Variants in GLCCI1 observed in about 807,000 individuals in gnomAD.
The protein encoded by GLCCI1 is glucocorticoid-induced transcript 1 protein.
Under a neutral mutation model 52.2 loss-of-function variants are expected in GLCCI1, and 24 were observed. The ratio of observed to expected loss-of-function variants is 0.46; its 90% confidence interval spans 0.33 to 0.65. GLCCI1 has a LOEUF of 0.65. Ranked by LOEUF, GLCCI1 falls within the 30% of genes least tolerant of loss-of-function variation. The probability of loss-of-function intolerance (pLI) is 0.02; values close to 1 mark genes in which losing one functional copy is unlikely to be tolerated. For missense variants in GLCCI1, 704 were observed against 701.5 expected, an observed-to-expected ratio of 1.00 and a Z score of -0.04; for synonymous variants, 310 against 276.5, an observed-to-expected ratio of 1.12 and a Z score of -1.20.
In GLCCI1 at chr7:8,085,028, T is replaced by C. The variant is rs771530242; in HGVS notation, c.1298+11T>C. On this transcript the variant is annotated intron_variant, in intron 7 of 7. Transcript: ENST00000223145. ...CTTTGAGGAAATGGCGTAAGTAATG[T>C]CTTTTTTGTCAGCTGGGATCTGCAA... 6.2e-7 allele frequency: 1 copy of C among 1,613,444 alleles called. No individual in the cohort carries two copies. The highest frequency in any genetic ancestry group is 2.2e-5 in the East Asian group (1 of 44,874).
chr7:8,074,907 T>A, intron 6 of GLCCI1, among the ~76,000 whole-genome samples: 1 of 152,118 alleles, frequency 6.6e-6, no homozygotes, highest in East Asian at 1.9e-4. Context: ...TGTTCTGTGG[T>A]AGAGTAACTA....
At chr7:8,079,693 AAGTTGG>A (rs1191386102) in intron 6 of GLCCI1, among the ~76,000 whole-genome samples, 1 of 151,516 alleles carries the variant, frequency 6.6e-6, no homozygotes, top group East Asian at 1.9e-4. Context: ...CTTAATTTGT[AAGTTGG>A]CATCAATTTA....
At chr7:8,052,224 AC>A (rs1782273257) in intron 3 of GLCCI1, among the ~76,000 whole-genome samples, 1 of 152,038 alleles carries the variant, frequency 6.6e-6, no homozygotes, top group South Asian at 2.1e-4. Flanking sequence ...GCCTGGATTT[AC>A]CCCTCAGTCT....
intron 3 of GLCCI1, chr7:8,024,851 CT>C (rs755736257): frequency 5.5e-4 from 84 of 152,338 alleles, no homozygotes; most frequent in Non-Finnish European, 1.1e-3. Flanking sequence ...GGTGCTACTC[CT>C]TTTCTCCTTT....
chr7:7,981,715 A>G (rs1461660402), intron 1 of GLCCI1: 2 of 267,434 alleles, frequency 7.5e-6, no homozygotes, highest in Non-Finnish European at 1.5e-5. Context: ...AGTCTGTTAC[A>G]AAGGTTAAAT....
At position 8,086,127 on chromosome 7, in the gene GLCCI1, A is replaced by C. The variant is rs1783100464; in HGVS notation, c.1299-66A>C. On this transcript the variant is annotated intron_variant, in intron 7 of 7. Transcript: ENST00000223145. The surrounding 1 kb of genome is among the most constrained non-coding windows in gnomAD (Gnocchi z 4.4). ...TAGCTGTTTTAGAGAACTCCAGTTA[A>C]TTCAGAAAATGCTTAACTTTTTCTG... is the stretch of plus-strand genomic sequence containing the variant. The C allele has an allele frequency of 6.5e-6, 9 of 1,380,504 alleles. No individual in the cohort carries two copies. The highest frequency in any genetic ancestry group is 8.9e-6 in the Non-Finnish European group (9 of 1,009,042). The allele number at this position is 1,380,504 out of a possible 1,614,324, so 85.5% of individuals were successfully genotyped here. A position where few individuals can be genotyped will look rare whatever the true frequency, so the allele number is the denominator to read the frequency against.
chr7:8,033,319 A>G (rs1478494670), intron 3 of GLCCI1, among the ~76,000 whole-genome samples: 1 of 152,136 alleles, frequency 6.6e-6, no homozygotes, highest in Non-Finnish European at 1.5e-5. Context: ...ATAAAACAGA[A>G]TGCTTTTCTC....
intron 3 of GLCCI1, among the ~76,000 whole-genome samples, chr7:8,054,117 A>C (rs1208571063): frequency 1.3e-5 from 2 of 152,132 alleles, no homozygotes; most frequent in East Asian, 1.9e-4. Context: ...CTTTCATATA[A>C]GCTCTTTGCA....
intron 1 of GLCCI1, among the ~76,000 whole-genome samples, chr7:7,987,530 T>A (rs895893731): frequency 9.2e-5 from 14 of 152,184 alleles, no homozygotes; most frequent in Non-Finnish European, 1.8e-4. Flanking sequence ...AATGTTTCTA[T>A]TTCACTCTAA....
chr7:7,988,473 A>G (rs1780780075), intron 1 of GLCCI1, among the ~76,000 whole-genome samples: 1 of 152,198 alleles, frequency 6.6e-6, no homozygotes, highest in Non-Finnish European at 1.5e-5. Flanking sequence ...CAAAGAGGTC[A>G]CATTGAGGAA....
At chr7:8,028,945 T>C (rs1290575664) in intron 3 of GLCCI1, among the ~76,000 whole-genome samples, 1 of 152,120 alleles carries the variant, frequency 6.6e-6, no homozygotes, top group Non-Finnish European at 1.5e-5. Context: ...AAGTAGAGAT[T>C]GAACCCATAC....
At chr7:8,013,239 A>G (rs1408073512) in intron 2 of GLCCI1, among the ~76,000 whole-genome samples, 5 of 152,068 alleles carry the variant, frequency 3.3e-5, no homozygotes, top group Admixed American at 2.6e-4. Flanking sequence ...TTCTTTTTAC[A>G]TATTTGTGTC....
At chr7:8,071,247 T>G in intron 6 of GLCCI1, 116 bp downstream of exon 6, 2 of 806,794 alleles carry the variant, frequency 2.5e-6, no homozygotes, top group Non-Finnish European at 3.9e-6. Flanking sequence ...TTGTCAAAGA[T>G]TGGTTAATCT....
chr7:8,076,488 C>T (rs947024401), intron 6 of GLCCI1, among the ~76,000 whole-genome samples: 1 of 152,154 alleles, frequency 6.6e-6, no homozygotes, highest in Non-Finnish European at 1.5e-5. Context: ...TCTTAAGATA[C>T]ATACATTCCA....
chr7:8,026,979 A>G (rs1781636319), intron 3 of GLCCI1, among the ~76,000 whole-genome samples: 1 of 152,242 alleles, frequency 6.6e-6, no homozygotes, highest in African/African-American at 2.4e-5. Flanking sequence ...TTGGGGCCCA[A>G]GTCTCTTTGA....
At chr7:8,042,207 C>T (rs957884436) in intron 3 of GLCCI1, among the ~76,000 whole-genome samples, 4 of 152,172 alleles carry the variant, frequency 2.6e-5, no homozygotes, top group African/African-American at 9.6e-5. Context: ...TTCTGCAGTC[C>T]GTGAATCAAG....
intron 6 of GLCCI1, among the ~76,000 whole-genome samples, chr7:8,083,455 A>C (rs1200753457): frequency 6.6e-6 from 1 of 152,134 alleles, no homozygotes; most frequent in Non-Finnish European, 1.5e-5. Flanking sequence ...TCAGACCTCC[A>C]ATCAGGCTAA....
intron 5 of GLCCI1, among the ~76,000 whole-genome samples, chr7:8,064,050 G>A (rs1004392610): frequency 6.6e-6 from 1 of 152,110 alleles, no homozygotes; most frequent in African/African-American, 2.4e-5. Flanking sequence ...CATTATGTAG[G>A]TTGTCTGTGT....
chr7:8,078,504 A>G (rs951060806), intron 6 of GLCCI1: 1 of 152,258 alleles, frequency 6.6e-6, no homozygotes, highest in Non-Finnish European at 1.5e-5. Context: ...ATATATGTAT[A>G]TAATTCATTC....
Sources: allele counts gnomAD v4.1 joint callset (sites outside exome capture counted in the v4.1 genomes callset), GRCh38; gene constraint gnomAD v4.1.1; non-coding constraint Gnocchi (gnomAD v3.1); transcripts MANE v1.5; gene names NCBI Gene and HGNC (gene_info 2026-07-23, HGNC 2026-07-21).